The following ADAP1 variants were observed in gnomAD, a reference collection of about 807,000 sequenced individuals.
The protein encoded by ADAP1 is ArfGAP with dual PH domains 1.
Under a neutral mutation model 54.9 loss-of-function variants are expected in ADAP1, and 31 were observed. That is an observed-to-expected ratio of 0.56 (90% CI 0.42 to 0.76). The LOEUF (loss-of-function observed/expected upper bound fraction) is 0.76. Among genes scored for constraint, ADAP1 ranks in the 30% least tolerant of loss-of-function variants. The pLI is 0.00. For synonymous variants in ADAP1, 313 were observed against 202.6 expected (o/e 1.55, Z -4.63); for missense variants, 535 against 512.4 (o/e 1.04, Z -0.42).
intron 4 of ADAP1, among the ~76,000 whole-genome samples, chr7:906,492 GAAAGGAGA>G (rs1845352550): frequency 1.5e-4 from 1 of 6,642 alleles, no homozygotes; most frequent in African/African-American, 9.2e-4. Flanking sequence ...AGGAGAAAGG[GAAAGGAGA>G]AAGGGAGAAA....
intron 4 of ADAP1, among the ~76,000 whole-genome samples, chr7:906,448 A>G (rs199722298): frequency 7.9e-5 from 7 of 88,414 alleles, no homozygotes; most frequent in Non-Finnish European, 1.4e-4. Context: ...GAAAGGAGAA[A>G]GGAGAAAGGG....
chr7:900,676 AGAG>A, intron 6 of ADAP1, 60 bp from the exon 7 acceptor site: 5 of 1,339,216 alleles, frequency 3.7e-6, no homozygotes, highest in Non-Finnish European at 5.2e-6. Flanking sequence ...GGGTCCCCAC[AGAG>A]GGGCTGGGGT....
At chr7:904,577 C>T (rs537909480) in intron 5 of ADAP1, among the ~76,000 whole-genome samples, 143 of 152,310 alleles carry the variant, frequency 9.4e-4, no homozygotes, top group African/African-American at 3.2e-3. Flanking sequence ...AGGGGCAGGC[C>T]CCAGCCACCA....
chr7:920,956 G>C lies in ADAP1; in HGVS notation c.306-906C>G. 7.8e-7 allele frequency: 1 copy of C among 1,286,964 alleles called. No individual in the cohort carries two copies. The highest frequency in any genetic ancestry group is 2.1e-5 in the Admixed American group (1 of 46,868). 79.7% of individuals were successfully genotyped at this position (1,286,964 alleles called of 1,614,324 possible). ...CCCACGTGAACAGCCTTGGAGACTG[G>C]GCGGGAATCCTCGCCCACAGGATCT... On this transcript the variant is annotated intron_variant, in intron 3 of 10. Coordinates refer to ENST00000265846, the MANE Select transcript of ADAP1 (RefSeq NM_006869.4). This position sits in a 1 kb window ranked among gnomAD's most constrained non-coding sequence, Gnocchi z 4.5.
Position 905,151 on chromosome 7 carries a change from CA to C in ADAP1, c.409del (p.Trp137GlyfsTer11). On this transcript the variant is annotated frameshift_variant, in exon 5 of 11. Coordinates refer to ENST00000265846, the MANE Select transcript of ADAP1 (RefSeq NM_006869.4). LOFTEE classifies it high-confidence loss of function. ...CTGCCCGTTGTCCCGGCCACGCTTC[CA>C]GAGAAAACCCTCACGGTACCCTGTG... The part of the protein sequence containing the change: ...YSAGYREGFL[W>X]KRGRDNGQFL... The C allele has an allele frequency of 6.2e-7, 1 of 1,612,112 alleles. No homozygotes were observed. The highest frequency in any genetic ancestry group is 8.5e-7 in the Non-Finnish European group (1 of 1,179,842).
intron 1 of ADAP1, among the ~76,000 whole-genome samples, chr7:940,080 C>T (rs1473072071): frequency 6.6e-6 from 1 of 152,144 alleles, no homozygotes; most frequent in South Asian, 2.1e-4. Flanking sequence ...GTCACATCCT[C>T]CTTGGTATTT....
chr7:921,137 C>T (rs952079919), intron 3 of ADAP1, among the ~76,000 whole-genome samples: 2 of 152,206 alleles, frequency 1.3e-5, no homozygotes, highest in African/African-American at 2.4e-5. Flanking sequence ...ATCAAGGCGT[C>T]GGCCGAGCTG....
rs868670102 is a variant in ADAP1 at position 920,832 on chromosome 7, C to T, written c.306-782G>A. 17 of 1,550,102 alleles carry T rather than the reference C, an allele frequency of 1.1e-5. No individual in the cohort carries two copies. The highest frequency in any genetic ancestry group is 4.1e-5 in the African/African-American group (3 of 73,032). ...AGAAACCACGACCCACACACAGGCC[C>T]GGCACGGCCCAGGTGCACAGGCAGC... On this transcript the variant is annotated intron_variant, in intron 3 of 10. Coordinates refer to ENST00000265846, the MANE Select transcript of ADAP1 (RefSeq NM_006869.4). The surrounding 1 kb of genome is among the most constrained non-coding windows in gnomAD (Gnocchi z 4.5).
intron 2 of ADAP1, among the ~76,000 whole-genome samples, chr7:929,478 C>CG (rs1300270272): frequency 3.6e-5 from 5 of 139,542 alleles, no homozygotes; most frequent in African/African-American, 8.0e-5. Context: ...CCTGGGAGTT[C>CG]GGGACCAGCT....
In ADAP1 at chr7:909,530, C is replaced by A. The variant is rs548364791; in HGVS notation, c.389-4358G>T. On this transcript the variant is annotated intron_variant, in intron 4 of 10. Transcript: ENST00000265846. Reference sequence around the variant, plus strand: ...TGGCCACGGTCCCGGACGCGCCCCACGCCCAGTCCAGACCTCAGGCTGAGC... The same window carrying A: ...TGGCCACGGTCCCGGACGCGCCCCAAGCCCAGTCCAGACCTCAGGCTGAGC... Among the ~76,000 whole-genome samples the A allele has an allele frequency of 6.7e-4, 102 of 152,358 alleles. 1 individual carries two copies. Among genetic ancestry groups the A allele is most frequent in the African/African-American group, 2.3e-3 (97 of 41,570 alleles).
chr7:902,868 A>C (rs1210458224), intron 6 of ADAP1, among the ~76,000 whole-genome samples: 1 of 152,234 alleles, frequency 6.6e-6, no homozygotes, highest in African/African-American at 2.4e-5. Flanking sequence ...CAAAGCCTTC[A>C]GAATTAGCAG....
chr7:914,210 C>A (rs569498678), intron 4 of ADAP1, among the ~76,000 whole-genome samples: 107 of 152,224 alleles, frequency 7.0e-4, no homozygotes, highest in Non-Finnish European at 4.9e-4. Context: ...CTGTGCAGAG[C>A]GGGAGCCACC....
intron 4 of ADAP1, among the ~76,000 whole-genome samples, chr7:906,668 G>GGAAA (rs1845407238): frequency 4.9e-5 from 5 of 102,796 alleles, no homozygotes; most frequent in African/African-American, 1.4e-4. Flanking sequence ...GGCGGGAAAG[G>GGAAA]GGACATGGAC....
At chr7:902,157 A>C (rs1398388496) in intron 6 of ADAP1, among the ~76,000 whole-genome samples, 1 of 151,194 alleles carries the variant, frequency 6.6e-6, no homozygotes, top group Non-Finnish European at 1.5e-5. Flanking sequence ...CCCGGTCTCT[A>C]CTAAAAATAC....
chr7:900,672 C>T (rs1844754389), intron 6 of ADAP1, 56 bp from the exon 7 acceptor site: 1 of 1,351,450 alleles, frequency 7.4e-7, no homozygotes, highest in South Asian at 1.3e-5. Context: ...GCTGGGGTCC[C>T]CACAGAGGGG....
chr7:928,993 G>A (rs377074373), intron 2 of ADAP1, among the ~76,000 whole-genome samples: 1 of 152,170 alleles, frequency 6.6e-6, no homozygotes, highest in Non-Finnish European at 1.5e-5. Context: ...AGGGTTCCTC[G>A]GCCATAAAGA....
At chr7:925,956 G>T (rs529128374) in intron 3 of ADAP1, among the ~76,000 whole-genome samples, 25 of 152,318 alleles carry the variant, frequency 1.6e-4, no homozygotes, top group African/African-American at 6.0e-4. Flanking sequence ...GAGGGGGTCG[G>T]TGCGAACAGT....
In ADAP1 at chr7:899,118, G is replaced by A. The variant is rs1243115795; in HGVS notation, c.1011C>T (p.Ala337=). Residue 337 remains alanine (A), a synonymous_variant, in exon 10 of 11, where the codon GCC becomes GCT. Transcript: ENST00000265846. ...IVTPDRKFLF[A]CETESDQREW... ...CCCTCTGGTCGGACTCCGTCTCGCA[G>A]GCAAACAGAAACTTGCGGTCGGGCG... The A allele has an allele frequency of 3.1e-6, 5 of 1,609,234 alleles. No individual in the cohort carries two copies. The highest frequency in any genetic ancestry group is 4.2e-6 in the Non-Finnish European group (5 of 1,179,950).
At chr7:955,106 C>T (rs1355723840), upstream of ADAP1, among the ~76,000 whole-genome samples, 1 of 152,128 alleles carries the variant, frequency 6.6e-6, no homozygotes, top group African/African-American at 2.4e-5. Flanking sequence ...AGGTGACAAA[C>T]GCCAGCGTCC....
Sources: allele counts gnomAD v4.1 joint callset (sites outside exome capture counted in the v4.1 genomes callset), GRCh38; gene constraint gnomAD v4.1.1; non-coding constraint Gnocchi (gnomAD v3.1); transcripts MANE v1.5; gene names NCBI Gene and HGNC (gene_info 2026-07-23, HGNC 2026-07-21).